The following EFCAB11 variants were observed in gnomAD, a reference collection of about 807,000 sequenced individuals.
The protein encoded by EFCAB11 is EF-hand calcium-binding domain-containing protein 11.
EFCAB11 carries 14 observed loss-of-function variants against 23.0 expected under a neutral mutation model. That is an observed-to-expected ratio of 0.61 (90% CI 0.40 to 0.95). EFCAB11 has a LOEUF of 0.95. Among genes scored for constraint, EFCAB11 ranks in the 40% least tolerant of loss-of-function variants. EFCAB11 has a pLI of 0.00. For missense variants in EFCAB11, 198 were observed against 195.8 expected, an observed-to-expected ratio of 1.01 and a Z score of -0.07; for synonymous variants, 65 against 66.6, an observed-to-expected ratio of 0.98 and a Z score of 0.11.
At chr14:89,809,112 G>A (rs889690181) in intron 5 of EFCAB11, among the ~76,000 whole-genome samples, 2 of 152,148 alleles carry the variant, frequency 1.3e-5, no homozygotes, top group Non-Finnish European at 2.9e-5. Flanking sequence ...CTCATTCCCC[G>A]ACCCTGTCCA....
At chr14:89,903,076 C>T (rs1034570142) in intron 5 of EFCAB11, among the ~76,000 whole-genome samples, 3 of 152,192 alleles carry the variant, frequency 2.0e-5, no homozygotes, top group Admixed American at 2.0e-4. Context: ...ATGAACAATG[C>T]CGCATCTGCG....
chr14:89,896,021 C>T (rs539463643), intron 5 of EFCAB11, among the ~76,000 whole-genome samples: 6 of 152,250 alleles, frequency 3.9e-5, no homozygotes, highest in East Asian at 1.9e-4. Context: ...AGAGAGAGAA[C>T]TCATCATCCA....
Position 89,954,338 on chromosome 14 carries a change from T to C in EFCAB11, c.75+248A>G, listed in dbSNP as rs35511529. ...GGCTGGCTTTGAAAGGCGGGAGAGA[T>C]GCAGACTCAAGGTTACCATTAATAG... On this transcript the variant is annotated intron_variant, in intron 1 of 5. Coordinates refer to ENST00000316738, the MANE Select transcript of EFCAB11 (RefSeq NM_145231.4). 9,313 of 1,535,642 alleles carry C rather than the reference T, an allele frequency of 6.1e-3. 40 individuals are homozygous for C. The highest frequency in any genetic ancestry group is 7.2e-3 in the Non-Finnish European group (8,273 of 1,146,532).
chr14:89,934,437 G>A (rs1228344302), intron 3 of EFCAB11, among the ~76,000 whole-genome samples: 3 of 152,164 alleles, frequency 2.0e-5, no homozygotes, highest in Non-Finnish European at 4.4e-5. Flanking sequence ...TACTTAAAGA[G>A]AGGAGAAAGT....
intron 5 of EFCAB11, among the ~76,000 whole-genome samples, chr14:89,850,067 C>T (rs887745548): frequency 6.6e-6 from 1 of 152,114 alleles, no homozygotes; most frequent in Non-Finnish European, 1.5e-5. Context: ...CCACATGTTC[C>T]TCTCCTCCCC....
chr14:89,954,742 G>A (rs1891399202), upstream of EFCAB11: 2 of 1,537,480 alleles, frequency 1.3e-6, no homozygotes, highest in Admixed American at 1.9e-5. Context: ...CCGCGGCCAC[G>A]CCCACCGCGG....
intron 3 of EFCAB11, among the ~76,000 whole-genome samples, chr14:89,941,292 G>A (rs575806971): frequency 6.6e-5 from 10 of 152,320 alleles, no homozygotes; most frequent in South Asian, 6.2e-4. Context: ...CAACTATAGA[G>A]AACATGGTGA....
intron 5 of EFCAB11, among the ~76,000 whole-genome samples, chr14:89,907,338 C>T (rs750138174): frequency 9.2e-5 from 14 of 152,176 alleles, no homozygotes; most frequent in Non-Finnish European, 1.8e-4. Context: ...GATGTTTAAA[C>T]AGTTCATGAC....
intron 3 of EFCAB11, among the ~76,000 whole-genome samples, chr14:89,945,289 G>GATAATTAATTTTTT (rs1890939677): frequency 1.3e-5 from 2 of 151,902 alleles, no homozygotes; most frequent in African/African-American, 4.8e-5. Context: ...TGTAGTTAAA[G>GATAATTAATTTTTT]GTAGAAGATA....
intron 5 of EFCAB11, among the ~76,000 whole-genome samples, chr14:89,841,404 A>ACTGCCTTCATCTCCCCTC (rs1887261752): frequency 6.9e-6 from 1 of 144,618 alleles, no homozygotes. Flanking sequence ...TCTCTCCCCT[A>ACTGCCTTCATCTCCCCTC]CTGCCTTCAT....
intron 5 of EFCAB11, among the ~76,000 whole-genome samples, chr14:89,803,654 C>G (rs1465978279): frequency 6.6e-6 from 1 of 152,188 alleles, no homozygotes; most frequent in Non-Finnish European, 1.5e-5. Context: ...AAAACTGCCA[C>G]TACATTAGGG....
chr14:89,798,338 C>T (rs965778384), intron 5 of EFCAB11, among the ~76,000 whole-genome samples: 1 of 152,216 alleles, frequency 6.6e-6, no homozygotes, highest in Non-Finnish European at 1.5e-5. Context: ...AAAATGATTG[C>T]AGACTGCAGA....
chr14:89,860,104 C>T (rs2140149342), intron 5 of EFCAB11, among the ~76,000 whole-genome samples: 1 of 152,248 alleles, frequency 6.6e-6, no homozygotes, highest in Admixed American at 6.5e-5. Context: ...TGGCTCATGC[C>T]TGTAATCCCA....
intron 5 of EFCAB11, among the ~76,000 whole-genome samples, chr14:89,866,883 A>C (rs1405990174): frequency 6.6e-6 from 1 of 152,182 alleles, no homozygotes; most frequent in Non-Finnish European, 1.5e-5. Context: ...GCCCACTCCA[A>C]CCTCAGTCTC....
intron 5 of EFCAB11, among the ~76,000 whole-genome samples, chr14:89,916,669 C>A (rs1188499141): frequency 6.6e-6 from 1 of 152,092 alleles, no homozygotes; most frequent in Non-Finnish European, 1.5e-5. Context: ...TTCATGTATT[C>A]GTCAAATACT....
At chr14:89,940,481 A>G (rs1890752159) in intron 3 of EFCAB11, among the ~76,000 whole-genome samples, 1 of 152,228 alleles carries the variant, frequency 6.6e-6, no homozygotes, top group Non-Finnish European at 1.5e-5. Context: ...AAAAGCATGC[A>G]AGCCAACTGA....
chr14:89,889,691 T>G (rs769110110), intron 5 of EFCAB11, among the ~76,000 whole-genome samples: 12 of 152,270 alleles, frequency 7.9e-5, no homozygotes, highest in Non-Finnish European at 1.3e-4. Flanking sequence ...TCTGCGAGTC[T>G]GAAATTTTGG....
chr14:89,870,143 T>A (rs746191470), intron 5 of EFCAB11, among the ~76,000 whole-genome samples: 30 of 152,212 alleles, frequency 2.0e-4, no homozygotes, highest in Non-Finnish European at 3.2e-4. Flanking sequence ...CCCCTCAGCA[T>A]TATAAACATA....
chr14:89,821,938 A>G (rs1886532463), intron 5 of EFCAB11, among the ~76,000 whole-genome samples: 1 of 152,258 alleles, frequency 6.6e-6, no homozygotes, highest in African/African-American at 2.4e-5. Flanking sequence ...AATTTAGTAA[A>G]ATCATCCAGG....
Sources: gnomAD v4.1 joint callset for allele counts (sites outside exome capture counted in the v4.1 genomes callset) on GRCh38, gnomAD v4.1.1 for gene constraint, MANE v1.5 for transcripts, NCBI Gene and HGNC (gene_info 2026-07-23, HGNC 2026-07-21) for gene names.